Variants in TRAPPC6B observed in about 807,000 individuals in gnomAD.
The protein encoded by TRAPPC6B is trafficking protein particle complex subunit 6B, also known as TRAPP complex subunit 6B.
Under a neutral mutation model 24.7 loss-of-function variants are expected in TRAPPC6B, and 27 were observed. That is an observed-to-expected ratio of 1.09 (90% CI 0.81 to 1.51). The LOEUF is 1.51. Ranked by LOEUF, TRAPPC6B falls within the 40% of genes most tolerant of loss-of-function variation. The probability of loss-of-function intolerance (pLI) is 0.00; values close to 1 mark genes in which losing one functional copy is unlikely to be tolerated. For synonymous variants in TRAPPC6B, 80 were observed against 66.6 expected, an observed-to-expected ratio of 1.20 and a Z score of -0.98; for missense variants, 212 against 190.8, an observed-to-expected ratio of 1.11 and a Z score of -0.66.
chr14:39,151,967 T>C (rs2052920575), intron 4 of TRAPPC6B, 128 bp from the exon 5 acceptor site: 1 of 647,198 alleles, frequency 1.5e-6, no homozygotes, highest in East Asian at 3.1e-5. Flanking sequence ...TTTGAAGAAC[T>C]GTTCAAATTA....
At chr14:39,159,654 T>C (rs529257126) in intron 1 of TRAPPC6B, 104 bp from the exon 2 acceptor site, 3 of 737,332 alleles carry the variant, frequency 4.1e-6, no homozygotes, top group Admixed American at 3.2e-5. Flanking sequence ...TAAACATTTA[T>C]ACTTTTTTCC....
intron 5 of TRAPPC6B, 120 bp downstream of exon 5, chr14:39,151,626 A>C: frequency 4.2e-6 from 3 of 715,756 alleles, no homozygotes; most frequent in Non-Finnish European, 6.9e-6. Flanking sequence ...AAAGTGTTAC[A>C]TTGATAAAAC....
chr14:39,161,952 C>T (rs2053064360), intron 1 of TRAPPC6B, among the ~76,000 whole-genome samples: 2 of 152,286 alleles, frequency 1.3e-5, no homozygotes, highest in South Asian at 4.1e-4. Context: ...AGAGGGGACA[C>T]TTTTTTTCTG....
rs192358838 is a variant in TRAPPC6B, at chr14:39,150,406, C to T, written c.446-25G>A. The T allele has an allele frequency of 2.0e-6, 3 of 1,512,546 alleles. No individual in the cohort carries two copies. In the East Asian group the frequency reaches 6.8e-5, roughly 34 times the overall value. 93.7% of individuals were successfully genotyped at this position (1,512,546 alleles called of 1,614,324 possible). A position where few individuals can be genotyped will look rare whatever the true frequency, so the allele number is the denominator to read the frequency against. Reference sequence around the variant, plus strand: ...CCTAAAAAAAAAAATACAAATAATTCTTTGATTTTAGATACAAAGAAAACA... The same window carrying T: ...CCTAAAAAAAAAAATACAAATAATTTTTTGATTTTAGATACAAAGAAAACA... On this transcript the variant is annotated intron_variant, in intron 5 of 5. Transcript: ENST00000330149.
rs188974892 is a variant in TRAPPC6B at position 39,150,360 on chromosome 14, T to C, written c.467A>G (p.Gln156Arg). The change falls in exon 6 of 6, where the codon CAG (glutamine) becomes CGG (arginine). Residue 156 changes from glutamine to arginine, a missense_variant. Gln to Arg is a conservative substitution (Grantham distance 43). Transcript: ENST00000330149. ...GCATTTCAGTATGTTCTACAGCTTCTGTATCATCACCTGAAATTTGCCTAA... is the reference window on the plus strand; with the variant it reads ...GCATTTCAGTATGTTCTACAGCTTCCGTATCATCACCTGAAATTTGCCTAA... ...MPACKFQVMI[Q>R]KL The C allele has an allele frequency of 1.9e-6, 3 of 1,585,614 alleles. No individual in the cohort carries two copies. The highest frequency in any genetic ancestry group is 3.6e-5 in the Admixed American group (2 of 55,864).
intron 1 of TRAPPC6B, among the ~76,000 whole-genome samples, chr14:39,166,292 A>G (rs747766115): frequency 3.3e-5 from 5 of 152,040 alleles, no homozygotes; most frequent in Admixed American, 6.6e-5. Flanking sequence ...TTCAGCTAGA[A>G]TAAGTGTCTG....
intron 1 of TRAPPC6B, among the ~76,000 whole-genome samples, chr14:39,160,656 G>T (rs1594540893): frequency 6.6e-6 from 1 of 151,738 alleles, no homozygotes; most frequent in Admixed American, 6.6e-5. Flanking sequence ...GAGAAAGAGA[G>T]AGAGAAAGAG....
chr14:39,154,064 A>C (rs1472297027), intron 4 of TRAPPC6B, 147 bp downstream of exon 4: 1 of 565,926 alleles, frequency 1.8e-6, no homozygotes, highest in African/African-American at 1.9e-5. Flanking sequence ...TTATTGTAAC[A>C]TGTCTCTCAT....
intron 4 of TRAPPC6B, among the ~76,000 whole-genome samples, chr14:39,153,854 G>A (rs1472904680): frequency 4.6e-5 from 7 of 151,968 alleles, no homozygotes; most frequent in African/African-American, 7.2e-5. Context: ...GCAGGCGCTC[G>A]CCAGAACGTC....
At chr14:39,161,333 G>T (rs947981724) in intron 1 of TRAPPC6B, among the ~76,000 whole-genome samples, 1 of 152,094 alleles carries the variant, frequency 6.6e-6, no homozygotes, top group Non-Finnish European at 1.5e-5. Context: ...TTCCTTAATA[G>T]CTACCTAACA....
intron 1 of TRAPPC6B, among the ~76,000 whole-genome samples, chr14:39,166,880 T>C (rs2053113677): frequency 6.6e-6 from 1 of 152,094 alleles, no homozygotes; most frequent in Non-Finnish European, 1.5e-5. Context: ...TACCAAACTA[T>C]CCTTGATAAA....
At chr14:39,164,538 C>G (rs963147624) in intron 1 of TRAPPC6B, among the ~76,000 whole-genome samples, 85 of 152,196 alleles carry the variant, frequency 5.6e-4, no homozygotes, top group African/African-American at 1.9e-3. Flanking sequence ...GCACCTGCTC[C>G]CCTTTCTTCA....
At chr14:39,161,907 G>A (rs1002592157) in intron 1 of TRAPPC6B, among the ~76,000 whole-genome samples, 1 of 152,174 alleles carries the variant, frequency 6.6e-6, no homozygotes, top group African/African-American at 2.4e-5. Context: ...CACAGTCCCA[G>A]GCCCGTAGCG....
chr14:39,158,985 CAA>C (rs1457211789), intron 2 of TRAPPC6B: 1 of 152,304 alleles, frequency 6.6e-6, no homozygotes, highest in Non-Finnish European at 1.5e-5. Flanking sequence ...CACAAAAGAA[CAA>C]AGAGCTGAGC....
At chr14:39,169,961 G>A in intron 1 of TRAPPC6B, 54 bp downstream of exon 1, 1 of 1,574,772 alleles carries the variant, frequency 6.4e-7, no homozygotes, top group Non-Finnish European at 8.7e-7. Flanking sequence ...AGCACTGAGG[G>A]GAAACAAGGT....
intron 1 of TRAPPC6B, among the ~76,000 whole-genome samples, chr14:39,162,184 C>T (rs1352950806): frequency 6.6e-6 from 1 of 152,156 alleles, no homozygotes; most frequent in Non-Finnish European, 1.5e-5. Flanking sequence ...ATTTATTTGA[C>T]AAGTCTTGCT....
chr14:39,169,590 G>A (rs1355662737), intron 1 of TRAPPC6B, among the ~76,000 whole-genome samples: 2 of 152,172 alleles, frequency 1.3e-5, no homozygotes, highest in East Asian at 1.9e-4. Context: ...GTTGTGTGGA[G>A]TTGTACTGAG....
rs912293876 is a variant in TRAPPC6B at position 39,148,567 on chromosome 14, A to G, written c.*1783T>C. The G allele has an allele frequency of 5.0e-6, 2 of 398,026 alleles. No homozygotes were observed. The highest frequency in any genetic ancestry group is 4.1e-5 in the African/African-American group (2 of 48,602). The allele number at this position is 398,026 out of a possible 1,614,324, so 24.7% of individuals were successfully genotyped here. Reference sequence around the variant, plus strand: ...TGAACCCAGCTTTTTCACACACACAATTCTCACACCTGTTTTATTTTGAAG... The same window carrying G: ...TGAACCCAGCTTTTTCACACACACAGTTCTCACACCTGTTTTATTTTGAAG... On this transcript the variant is annotated 3_prime_UTR_variant, in exon 6 of 6. Transcript: ENST00000330149.
intron 4 of TRAPPC6B, among the ~76,000 whole-genome samples, chr14:39,153,699 T>C (rs1304901024): frequency 6.8e-6 from 1 of 147,608 alleles, no homozygotes; most frequent in African/African-American, 2.6e-5. Context: ...TGTTTCTTTT[T>C]TTTCTTTTTT....
Sources: allele counts gnomAD v4.1 joint callset (sites outside exome capture counted in the v4.1 genomes callset), GRCh38; gene constraint gnomAD v4.1.1; transcripts MANE v1.5; gene names NCBI Gene and HGNC (gene_info 2026-07-23, HGNC 2026-07-21).